The following CELA3B variants were observed in gnomAD, a reference collection of about 807,000 sequenced individuals.
CELA3B encodes chymotrypsin-like elastase family member 3B.
CELA3B carries 34 observed loss-of-function variants against 37.2 expected under a neutral mutation model. The observed-to-expected ratio is 0.91, with a 90% CI of 0.70 to 1.22. CELA3B has a LOEUF of 1.22. Ranked by LOEUF, CELA3B falls within the 50% of genes most tolerant of loss-of-function variation. CELA3B has a pLI of 0.00. For missense variants in CELA3B, 340 were observed against 363.1 expected (o/e 0.94, Z 0.52); for synonymous variants, 127 against 143.5 (o/e 0.89, Z 0.82).
At chr1:21,984,015 C>T (rs558270422) in intron 5 of CELA3B, among the ~76,000 whole-genome samples, 174 bp from the exon 6 acceptor site, 6 of 152,370 alleles carry the variant, frequency 3.9e-5, no homozygotes, top group South Asian at 4.1e-4. Flanking sequence ...TTGGTACCTT[C>T]TGTGTGCCAC....
intron 7 of CELA3B, among the ~76,000 whole-genome samples, chr1:21,988,968 C>T (rs1489193895): frequency 1.1e-4 from 16 of 150,822 alleles, no homozygotes; most frequent in East Asian, 1.9e-4. Flanking sequence ...CACACACAGA[C>T]GTATATATAT....
intron 4 of CELA3B, among the ~76,000 whole-genome samples, chr1:21,997,302 A>C (rs1245185001): frequency 7.0e-6 from 1 of 143,820 alleles, no homozygotes; most frequent in Admixed American, 7.4e-5. Flanking sequence ...CAGAGGTTGC[A>C]GTGAGCTGAG....
chr1:21,993,434 C>A (rs1163621148), downstream of CELA3B, among the ~76,000 whole-genome samples: 10 of 146,346 alleles, frequency 6.8e-5, no homozygotes, highest in Non-Finnish European at 1.3e-4. Flanking sequence ...TGCACTCCAG[C>A]CTGCACAACA....
chr1:21,994,261 TC>T (rs1295355976), downstream of CELA3B, among the ~76,000 whole-genome samples: 3 of 150,442 alleles, frequency 2.0e-5, 1 homozygote, highest in East Asian at 6.0e-4. Flanking sequence ...GAGAGAAACC[TC>T]CCTCCTATCC....
At chr1:21,982,464 A>G (rs1204575405) in intron 4 of CELA3B, among the ~76,000 whole-genome samples, 1 of 151,764 alleles carries the variant, frequency 6.6e-6, no homozygotes, top group Non-Finnish European at 1.5e-5. Context: ...AGGTGTGGTG[A>G]CGCGCACCTA....
chr1:21,994,907 T>C (rs1569856269), intron 4 of CELA3B, among the ~76,000 whole-genome samples: 2 of 139,726 alleles, frequency 1.4e-5, no homozygotes, highest in South Asian at 4.5e-4. Context: ...CAGGCTGAGG[T>C]GGGAGGATCG....
chr1:21,986,463 A>C (rs1177605838), intron 6 of CELA3B, 68 bp from the exon 7 acceptor site: 4 of 1,577,714 alleles, frequency 2.5e-6, no homozygotes, highest in Non-Finnish European at 3.4e-6. Context: ...CGAAATCCCT[A>C]GAATTCAGAA....
intron 6 of CELA3B, among the ~76,000 whole-genome samples, chr1:21,984,750 C>A (rs1439452721): frequency 6.6e-6 from 1 of 151,978 alleles, no homozygotes; most frequent in African/African-American, 2.4e-5. Context: ...AGTTCGAGAC[C>A]AGCCTGGCCA....
At chr1:21,978,824 A>G (rs1569833380) in intron 2 of CELA3B, among the ~76,000 whole-genome samples, 1 of 151,882 alleles carries the variant, frequency 6.6e-6, no homozygotes, top group East Asian at 2.0e-4. Flanking sequence ...GGAGTGAGGG[A>G]TCTTGTAAGG....
At chr1:21,988,719 G>C (rs1019476037) in intron 7 of CELA3B, among the ~76,000 whole-genome samples, 4 of 151,482 alleles carry the variant, frequency 2.6e-5, no homozygotes, top group Non-Finnish European at 5.9e-5. Flanking sequence ...GTGAAACCCT[G>C]TCTCTACTAA....
chr1:21,977,060 T>C lies in CELA3B; in HGVS notation c.21T>C (p.Ser7=). Residue 7 remains serine, a synonymous_variant, in exon 1 of 8, where the codon AGT becomes AGC. Transcript: ENST00000337107. MMLRLL[S]SLLLVAVASG... The stretch of plus-strand genomic sequence containing the variant: ...AACTCATGATGCTCCGGCTGCTCAG[T>C]TCCCTCCTCCTTGTGGCCGTTGGTA... 1 of 1,614,176 alleles carries C rather than the reference T, an allele frequency of 6.2e-7. No individual in the cohort carries two copies. Among genetic ancestry groups the C allele is most frequent in the Non-Finnish European group, 8.5e-7 (1 of 1,180,030 alleles).
At chr1:21,979,109 G>A (rs1033289777) in intron 2 of CELA3B, among the ~76,000 whole-genome samples, 10 of 151,762 alleles carry the variant, frequency 6.6e-5, no homozygotes, top group Non-Finnish European at 1.3e-4. Context: ...TTTCACTCTT[G>A]TTGCCCAGGC....
chr1:21,998,381 C>T lies in CELA3B; in HGVS notation c.*192C>T, dbSNP rs558048570. On this transcript the variant is annotated 3_prime_UTR_variant, in exon 5 of 5. Coordinates refer to the CELA3B transcript ENST00000400277. ...AGCAGTGAACAAAGCACACAAAACCCCCCGCCCCATGGGGGCTCCGTTCTA... is the reference window on the plus strand; with the variant it reads ...AGCAGTGAACAAAGCACACAAAACCTCCCGCCCCATGGGGGCTCCGTTCTA... The T allele has an allele frequency of 7.8e-5, 27 of 346,188 alleles. 1 individual carries two copies. Among genetic ancestry groups the T allele is most frequent in the Non-Finnish European group, 1.6e-4 (26 of 165,684 alleles). The allele number at this position is 346,188 out of a possible 1,614,324, so 21.4% of individuals were successfully genotyped here.
intron 7 of CELA3B, chr1:21,987,157 A>C (rs902744527): frequency 8.5e-6 from 3 of 352,144 alleles, no homozygotes; most frequent in African/African-American, 6.6e-5. Context: ...AAAAAAGAAA[A>C]AAAAAAAGAG....
chr1:21,995,082 ATTT>A (rs1204509035), intron 4 of CELA3B, among the ~76,000 whole-genome samples: 3 of 142,218 alleles, frequency 2.1e-5, no homozygotes, highest in Non-Finnish European at 4.6e-5. Context: ...AAATATTTGT[ATTT>A]TGTGGAAGAG....
intron 2 of CELA3B, among the ~76,000 whole-genome samples, chr1:21,979,573 C>T (rs1235673181): frequency 6.6e-6 from 1 of 150,658 alleles, no homozygotes; most frequent in Non-Finnish European, 1.5e-5. Context: ...CCACATCAGC[C>T]TCCTGTGTAG....
intron 2 of CELA3B, among the ~76,000 whole-genome samples, chr1:21,979,749 TG>T (rs1644793972): frequency 6.6e-6 from 1 of 151,302 alleles, no homozygotes. Context: ...CCACCATGCT[TG>T]GCCTGCTTGC....
At chr1:21,989,447 A>G (rs1270254768), downstream of CELA3B, 1 of 577,210 alleles carries the variant, frequency 1.7e-6, no homozygotes, top group African/African-American at 2.0e-5. Context: ...ACCAGGTCCA[A>G]CCCTTTCATA....
intron 6 of CELA3B, among the ~76,000 whole-genome samples, chr1:21,985,878 G>A (rs548545727): frequency 9.0e-4 from 136 of 151,210 alleles, no homozygotes; most frequent in Non-Finnish European, 1.7e-3. Context: ...GCGACAGAGC[G>A]AGACACTGAC....
Sources: allele counts gnomAD v4.1 joint callset (sites outside exome capture counted in the v4.1 genomes callset), GRCh38; gene constraint gnomAD v4.1.1; transcripts MANE v1.5; gene names NCBI Gene and HGNC (gene_info 2026-07-23, HGNC 2026-07-21).